GJC1: variants seen among roughly 807,000 people sequenced by gnomAD.
GJC1 encodes gap junction protein gamma 1, also known as gap junction gamma-1 protein.
GJC1 carries 5 observed loss-of-function variants against 29.3 expected under a neutral mutation model. The observed-to-expected ratio is 0.17, with a 90% CI of 0.09 to 0.36. The LOEUF is 0.36. Among genes scored for constraint, GJC1 ranks in the 10% least tolerant of loss-of-function variants. The pLI, the probability that GJC1 is intolerant of heterozygous loss-of-function variation, is 1.00. For synonymous variants in GJC1, 177 were observed against 183.3 expected (o/e 0.97, Z 0.28); for missense variants, 310 against 496.2 (o/e 0.62, Z 3.56).
intron 1 of GJC1, among the ~76,000 whole-genome samples, chr17:44,809,214 T>C (rs1475088909): frequency 1.3e-5 from 2 of 152,168 alleles, no homozygotes; most frequent in Non-Finnish European, 2.9e-5. Flanking sequence ...TGAGCTATGA[T>C]CATACCACTG....
At chr17:44,815,253 C>G (rs188331259) in intron 1 of GJC1, among the ~76,000 whole-genome samples, 2 of 152,242 alleles carry the variant, frequency 1.3e-5, no homozygotes, top group Non-Finnish European at 2.9e-5. Context: ...GATCTCAGCT[C>G]ACTGCAACCT....
In GJC1 at chr17:44,803,669, T is replaced by TTA. The variant is rs2049878850; in HGVS notation, c.*956_*957dup. The TTA allele has an allele frequency of 1.3e-5, 2 of 152,358 alleles. No homozygotes were observed. The highest frequency in any genetic ancestry group is 3.9e-4 in the East Asian group (2 of 5,188). 9.4% of individuals were successfully genotyped at this position (152,358 alleles called of 1,614,324 possible). A position where few individuals can be genotyped will look rare whatever the true frequency, so the allele number is the denominator to read the frequency against. On this transcript the variant is annotated 3_prime_UTR_variant, in exon 3 of 3. Coordinates refer to ENST00000592524, the MANE Select transcript of GJC1 (RefSeq NM_005497.4). ...AAAGAAAATATCCACCACTGGCTTC[T>TTA]TAACCAGACGGAAGCGGGCAGGTTT...
At chr17:44,795,095 C>T, downstream of GJC1, 1 of 152,162 alleles carries the variant, frequency 6.6e-6, no homozygotes, top group East Asian at 1.9e-4. Flanking sequence ...TTTCTAAGTT[C>T]CTCCAAGATG....
upstream of GJC1, chr17:44,830,715 C>T: frequency 7.5e-6 from 3 of 398,724 alleles, no homozygotes; most frequent in East Asian, 3.6e-5. The surrounding 1 kb of genome is among the most constrained non-coding windows in gnomAD (Gnocchi z 4.3). Context: ...CATTGTAGCA[C>T]GGGATGCTAA....
chr17:44,794,213 C>T (rs1162977978), downstream of GJC1: 1 of 152,204 alleles, frequency 6.6e-6, no homozygotes, highest in Non-Finnish European at 1.5e-5. Context: ...GGCCAAAGCC[C>T]CCTCCCCAGA....
At chr17:44,811,952 G>A (rs910768422) in intron 1 of GJC1, among the ~76,000 whole-genome samples, 6 of 151,246 alleles carry the variant, frequency 4.0e-5, no homozygotes, top group Non-Finnish European at 5.9e-5. Flanking sequence ...GCAGTGAGCC[G>A]AGATCGTCCC....
chr17:44,816,583 C>T (rs1424584746), intron 1 of GJC1, among the ~76,000 whole-genome samples: 1 of 152,100 alleles, frequency 6.6e-6, no homozygotes, highest in Non-Finnish European at 1.5e-5. Context: ...CTCACTGCAA[C>T]CTCTGCCTCC....
At chr17:44,814,591 C>G (rs2050021152) in intron 1 of GJC1, among the ~76,000 whole-genome samples, 1 of 152,102 alleles carries the variant, frequency 6.6e-6, no homozygotes. Context: ...GTCTTCAGAA[C>G]TGATCAGTGC....
At chr17:44,818,217 AAAAC>A (rs1190288488) in intron 1 of GJC1, among the ~76,000 whole-genome samples, 10 of 152,246 alleles carry the variant, frequency 6.6e-5, no homozygotes, top group East Asian at 3.9e-4. Context: ...CTGTCTCAAA[AAAAC>A]AAACAAACAA....
At chr17:44,808,735 C>G (rs1414193637) in intron 1 of GJC1, among the ~76,000 whole-genome samples, 1 of 152,126 alleles carries the variant, frequency 6.6e-6, no homozygotes. Context: ...GCACTCCAGC[C>G]TAGGTGACAG....
chr17:44,809,571 CTTT>C (rs113989364), intron 1 of GJC1, among the ~76,000 whole-genome samples: 3 of 141,494 alleles, frequency 2.1e-5, no homozygotes, highest in Admixed American at 7.2e-5. Context: ...AAATGTGTAT[CTTT>C]TTTTTTTTTT....
chr17:44,812,281 C>T (rs1295319488), intron 1 of GJC1, among the ~76,000 whole-genome samples: 5 of 152,052 alleles, frequency 3.3e-5, no homozygotes, highest in African/African-American at 7.2e-5. Flanking sequence ...GTCGAGATTG[C>T]GCCACTGTAC....
rs2049854335 is a variant in GJC1, at chr17:44,802,057, G to T, written c.*2570C>A. 1 of 152,156 alleles carries T rather than the reference G, an allele frequency of 6.6e-6. No homozygotes were observed. Among genetic ancestry groups the T allele is most frequent in the African/African-American group, 2.4e-5 (1 of 41,424 alleles). The allele number at this position is 152,156 out of a possible 1,614,324, so 9.4% of individuals were successfully genotyped here. On this transcript the variant is annotated 3_prime_UTR_variant, in exon 3 of 3. Transcript: ENST00000592524. ...CAACTTTAGCAAGAGAATAAAAATA[G>T]ATTTTAAAAGTGTGTGCATGTGGGG...
chr17:44,799,173 A>T lies in GJC1; in HGVS notation c.*5454T>A, dbSNP rs972515543. On this transcript the variant is annotated 3_prime_UTR_variant, in exon 3 of 3. Coordinates refer to ENST00000592524, the MANE Select transcript of GJC1 (RefSeq NM_005497.4). ...GCCACCACACCCAGCCAGAACTATT[A>T]CTTCTTTTATCTCTGTAGAAACTGC... 1 of 150,358 alleles carries T rather than the reference A, an allele frequency of 6.7e-6. No individual in the cohort carries two copies. The highest frequency in any genetic ancestry group is 1.5e-5 in the Non-Finnish European group (1 of 67,714). 9.3% of individuals were successfully genotyped at this position (150,358 alleles called of 1,614,324 possible).
chr17:44,829,172 C>CA (rs2050204243), intron 1 of GJC1, among the ~76,000 whole-genome samples: 1 of 151,660 alleles, frequency 6.6e-6, no homozygotes, highest in Admixed American at 6.6e-5. Context: ...TCTCAATGAA[C>CA]AAAAAGAAAA....
chr17:44,820,022 T>C (rs574170645), intron 1 of GJC1, among the ~76,000 whole-genome samples: 1 of 152,260 alleles, frequency 6.6e-6, no homozygotes, highest in South Asian at 2.1e-4. Flanking sequence ...CACACCTGGC[T>C]AATCATTCAG....
intron 1 of GJC1, among the ~76,000 whole-genome samples, chr17:44,819,474 C>A (rs1210177975): frequency 6.6e-6 from 1 of 151,836 alleles, no homozygotes; most frequent in African/African-American, 2.4e-5. Flanking sequence ...CTGGCTAACA[C>A]TGTGAAACCC....
At chr17:44,797,338 C>T (rs2049790249), downstream of GJC1, among the ~76,000 whole-genome samples, 1 of 152,194 alleles carries the variant, frequency 6.6e-6, no homozygotes, top group Admixed American at 6.5e-5. Flanking sequence ...AATCTCCTGA[C>T]TTCGTGATCC....
chr17:44,829,419 A>G (rs1236565181), intron 1 of GJC1: 1 of 152,206 alleles, frequency 6.6e-6, no homozygotes, highest in East Asian at 1.9e-4. Flanking sequence ...AAAGTGGGGG[A>G]AAAGTCATTT....
Sources: gnomAD v4.1 joint callset for allele counts (sites outside exome capture counted in the v4.1 genomes callset) on GRCh38, gnomAD v4.1.1 for gene constraint, Gnocchi (gnomAD v3.1) non-coding constraint, MANE v1.5 for transcripts, NCBI Gene and HGNC (gene_info 2026-07-23, HGNC 2026-07-21) for gene names.